Variants in TJP2 observed in about 807,000 individuals in gnomAD.
TJP2 encodes tight junction protein 2.
Under a neutral mutation model 133.1 loss-of-function variants are expected in TJP2, and 91 were observed. That is an observed-to-expected ratio of 0.68 (90% confidence interval 0.58 to 0.81). The LOEUF is 0.81. Ranked by LOEUF, TJP2 falls within the 40% of genes least tolerant of loss-of-function variation. The pLI is 0.00. For synonymous variants in TJP2, 592 were observed against 583.4 expected (o/e 1.01, Z -0.21); for missense variants, 1,541 against 1,565.6 (o/e 0.98, Z 0.26).
chr9:69,129,152 G>T (rs1822379515), intron 1 of TJP2, among the ~76,000 whole-genome samples: 2 of 152,200 alleles, frequency 1.3e-5, no homozygotes, highest in African/African-American at 2.4e-5. Flanking sequence ...ACACTAAAAT[G>T]TTAATAATAC....
At chr9:69,246,001 G>T (rs1339531870) in intron 17 of TJP2, among the ~76,000 whole-genome samples, 1 of 152,130 alleles carries the variant, frequency 6.6e-6, no homozygotes. Flanking sequence ...GGGGTAAAAT[G>T]GATGGTTACA....
intron 2 of TJP2, among the ~76,000 whole-genome samples, chr9:69,169,263 A>C (rs890810234): frequency 6.6e-6 from 1 of 152,108 alleles, no homozygotes. Context: ...GTAGGCATTC[A>C]AGAAAGGTTT....
At chr9:69,150,995 A>G (rs931274973) in intron 1 of TJP2, among the ~76,000 whole-genome samples, 1 of 152,232 alleles carries the variant, frequency 6.6e-6, no homozygotes, top group Non-Finnish European at 1.5e-5. Flanking sequence ...TGCTAAGTAA[A>G]AGAAGGCAGT....
At chr9:69,174,248 T>C, upstream of TJP2, 1 of 1,515,786 alleles carries the variant, frequency 6.6e-7, no homozygotes, top group Non-Finnish European at 8.9e-7. Flanking sequence ...TCCCCGCGGG[T>C]CGGCACCCCG....
At chr9:69,178,124 G>C (rs569798411) in intron 1 of TJP2, among the ~76,000 whole-genome samples, 1 of 152,080 alleles carries the variant, frequency 6.6e-6, no homozygotes, top group Non-Finnish European at 1.5e-5. Context: ...TCTCAGAGGA[G>C]ACAGAGTAAG....
chr9:69,228,832 C>G (rs1390863573), intron 9 of TJP2, among the ~76,000 whole-genome samples: 1 of 152,068 alleles, frequency 6.6e-6, no homozygotes, highest in Non-Finnish European at 1.5e-5. Context: ...GACCTCTTCC[C>G]CCAACCCTTC....
At chr9:69,249,129 T>G in intron 19 of TJP2, 4 of 1,309,134 alleles carry the variant, frequency 3.1e-6, no homozygotes, top group South Asian at 1.7e-5. Context: ...CAAGAGATTT[T>G]AGACTTTTGG....
chr9:69,191,282 C>T (rs138338321), intron 1 of TJP2, among the ~76,000 whole-genome samples: 126 of 152,306 alleles, frequency 8.3e-4, no homozygotes, highest in African/African-American at 2.9e-3. Context: ...TATAAAACTG[C>T]AATGTCTTTG....
intron 2 of TJP2, among the ~76,000 whole-genome samples, chr9:69,155,098 A>G (rs1288039259): frequency 1.3e-5 from 2 of 152,014 alleles, no homozygotes; most frequent in African/African-American, 4.8e-5. Flanking sequence ...GGCACCTACA[A>G]TACCAGCTAC....
intron 13 of TJP2, among the ~76,000 whole-genome samples, chr9:69,236,669 GGAGTTCCAGGTGTGT>G (rs1394319686): frequency 1.3e-5 from 2 of 152,148 alleles, no homozygotes; most frequent in African/African-American, 4.8e-5. Flanking sequence ...TATTTGAGCA[GGAGTTCCAGGTGTGT>G]GTACTGTGTA....
intron 1 of TJP2, among the ~76,000 whole-genome samples, chr9:69,187,705 G>C (rs1399674121): frequency 2.0e-5 from 3 of 152,196 alleles, no homozygotes; most frequent in Non-Finnish European, 4.4e-5. Context: ...CCTCTTGTTG[G>C]ATGGGTGGTC....
chr9:69,141,981 A>C (rs1823038122), intron 1 of TJP2, among the ~76,000 whole-genome samples: 1 of 152,226 alleles, frequency 6.6e-6, no homozygotes, highest in Non-Finnish European at 1.5e-5. Context: ...TAACTTGTTC[A>C]AGGTCACCAG....
In TJP2 at chr9:69,254,562, T is replaced by C; in HGVS notation, c.*188T>C. 1.4e-6 allele frequency: 1 copy of C among 716,390 alleles called. No individual in the cohort carries two copies. The allele number at this position is 716,390 out of a possible 1,614,324, so 44.4% of individuals were successfully genotyped here. On this transcript the variant is annotated 3_prime_UTR_variant, in exon 23 of 23. Coordinates refer to ENST00000377245, the MANE Select transcript of TJP2 (RefSeq NM_004817.4). Reference sequence around the variant, plus strand: ...AATTCAGAACTGAGGGCTCTGTTTGTGGGACTGGGTTAGAGGAGTCTGTGG... The same window carrying C: ...AATTCAGAACTGAGGGCTCTGTTTGCGGGACTGGGTTAGAGGAGTCTGTGG...
chr9:69,252,767 AGTG>A, intron 21 of TJP2, 45 bp from the exon 22 acceptor site: 3 of 1,556,998 alleles, frequency 1.9e-6, no homozygotes, highest in Non-Finnish European at 2.7e-6. Flanking sequence ...CAGAGTGCCC[AGTG>A]GTTCATTCTT....
At chr9:69,191,741 ATT>A (rs368277121) in intron 1 of TJP2, among the ~76,000 whole-genome samples, 1 of 150,074 alleles carries the variant, frequency 6.7e-6, no homozygotes, top group Admixed American at 6.7e-5. Flanking sequence ...CATTTTTAAA[ATT>A]TTTTTTTTTT....
intron 1 of TJP2, among the ~76,000 whole-genome samples, chr9:69,133,951 T>C (rs1371057601): frequency 6.7e-6 from 1 of 149,450 alleles, no homozygotes; most frequent in Non-Finnish European, 1.5e-5. Flanking sequence ...AAGACCCAAC[T>C]CAAGTACTTT....
chr9:69,220,811 A>G, intron 4 of TJP2, 76 bp from the exon 5 acceptor site: 4 of 1,440,874 alleles, frequency 2.8e-6, no homozygotes, highest in Non-Finnish European at 3.9e-6. Context: ...AACCAGAACC[A>G]GGGCTCTTAA....
At chr9:69,132,344 G>GT in intron 1 of TJP2, among the ~76,000 whole-genome samples, 1 of 152,108 alleles carries the variant, frequency 6.6e-6, no homozygotes, top group Non-Finnish European at 1.5e-5. Context: ...TTGTAAGTGG[G>GT]TCTTTCAAAG....
intron 2 of TJP2, chr9:69,151,913 T>A: frequency 2.4e-6 from 2 of 820,426 alleles, no homozygotes; most frequent in Non-Finnish European, 3.3e-6. Context: ...ATAGAAAATT[T>A]AATGGTAATG....
Sources: allele counts gnomAD v4.1 joint callset (sites outside exome capture counted in the v4.1 genomes callset), GRCh38; gene constraint gnomAD v4.1.1; transcripts MANE v1.5; gene names NCBI Gene and HGNC (gene_info 2026-07-23, HGNC 2026-07-21).